The following GRIP1 variants were observed in gnomAD, a reference collection of about 807,000 sequenced individuals.
The protein encoded by GRIP1 is glutamate receptor-interacting protein 1.
GRIP1 carries 45 observed loss-of-function variants against 129.9 expected under a neutral mutation model. The observed-to-expected ratio is 0.35, with a 90% CI of 0.27 to 0.44. GRIP1 has a LOEUF of 0.44. GRIP1 is among the 20% of genes least tolerant of loss of function. The probability of loss-of-function intolerance (pLI) is 1.00; values close to 1 mark genes in which losing one functional copy is unlikely to be tolerated. For missense variants in GRIP1, 1,196 were observed against 1,396.8 expected (o/e 0.86, Z 2.29); for synonymous variants, 530 against 520.8 (o/e 1.02, Z -0.24).
rs188880970 is a variant in GRIP1, at chr12:66,488,195, A to G, written c.725-22773T>C. On this transcript the variant is annotated intron_variant, in intron 7 of 24. Transcript: ENST00000359742. Reference sequence around the variant, plus strand: ...ATATACATTCTTCTCATTGCCACACAATACTTACTCTAAAATTGATTACAT... The same window carrying G: ...ATATACATTCTTCTCATTGCCACACGATACTTACTCTAAAATTGATTACAT... Among the ~76,000 whole-genome samples the G allele has an allele frequency of 4.2e-3, 634 of 152,278 alleles. 13 individuals are homozygous for G. The highest frequency in any genetic ancestry group is 1.4e-3 in the Non-Finnish European group (97 of 68,014).
At chr12:66,434,896 A>G (rs949610514) in intron 13 of GRIP1, among the ~76,000 whole-genome samples, 4 of 152,250 alleles carry the variant, frequency 2.6e-5, no homozygotes, top group Non-Finnish European at 5.9e-5. Context: ...TGGCCTTGAC[A>G]GCCATTGAAG....
intron 1 of GRIP1, among the ~76,000 whole-genome samples, chr12:66,983,646 T>C (rs1017876932): frequency 6.6e-6 from 1 of 152,214 alleles, no homozygotes; most frequent in African/African-American, 2.4e-5. Context: ...CCCTGTGTTT[T>C]ATACATATTT....
Position 66,392,790 on chromosome 12 carries a change from C to CG in GRIP1, c.2155dup (p.Arg719ProfsTer7). On this transcript the variant is annotated frameshift_variant, in exon 18 of 25. Transcript: ENST00000359742. LOFTEE classifies it high-confidence loss of function. ...GCTGCTGCTATTGATGGCTAGGATTCGGTCTCCTATGTGGATTGCGCCAGT... is the reference window on the plus strand; with the variant it reads ...GCTGCTGCTATTGATGGCTAGGATTCGGGTCTCCTATGTGGATTGCGCCAGT... 6.2e-7 allele frequency: 1 copy of CG among 1,614,078 alleles called. No homozygotes were observed. Among genetic ancestry groups the CG allele is most frequent in the African/African-American group, 1.3e-5 (1 of 75,040 alleles).
At chr12:66,992,392 TA>T (rs755925135) in intron 1 of GRIP1, among the ~76,000 whole-genome samples, 29 of 141,700 alleles carry the variant, frequency 2.0e-4, no homozygotes, top group Non-Finnish European at 2.8e-4. Context: ...AATTTTTTTT[TA>T]AATACAATTC....
chr12:66,730,829 G>T (rs939554251), intron 1 of GRIP1, among the ~76,000 whole-genome samples: 25 of 151,448 alleles, frequency 1.7e-4, no homozygotes, highest in African/African-American at 5.8e-4. Context: ...AAAAAAAAAT[G>T]TATATTACCT....
intron 1 of GRIP1, among the ~76,000 whole-genome samples, chr12:66,862,135 C>T (rs760413353): frequency 1.3e-5 from 2 of 152,032 alleles, no homozygotes; most frequent in African/African-American, 4.8e-5. Flanking sequence ...TAACTAGGTC[C>T]TGTTAAGCAA....
chr12:66,370,397 T>C (rs1447162852), intron 23 of GRIP1, among the ~76,000 whole-genome samples: 1 of 152,206 alleles, frequency 6.6e-6, no homozygotes, highest in East Asian at 1.9e-4. Flanking sequence ...GAACCCAGGA[T>C]TGGAACACAA....
At chr12:67,019,517 A>G (rs185308097) in intron 1 of GRIP1, among the ~76,000 whole-genome samples, 10 of 152,360 alleles carry the variant, frequency 6.6e-5, no homozygotes, top group Non-Finnish European at 1.3e-4. Context: ...AAATAAGAGT[A>G]GTAAAAAAGG....
At chr12:66,858,927 A>G (rs2040052913) in intron 1 of GRIP1, among the ~76,000 whole-genome samples, 1 of 151,922 alleles carries the variant, frequency 6.6e-6, no homozygotes, top group South Asian at 2.1e-4. Context: ...ATTTTGATGT[A>G]TCAGAGCTCT....
At chr12:66,747,891 C>T (rs1459304255) in intron 1 of GRIP1, among the ~76,000 whole-genome samples, 4 of 151,986 alleles carry the variant, frequency 2.6e-5, no homozygotes, top group Non-Finnish European at 4.4e-5. Flanking sequence ...CTATAATTCA[C>T]GTAATACGGA....
At chr12:66,976,121 T>C (rs966166427) in intron 1 of GRIP1, among the ~76,000 whole-genome samples, 3 of 152,166 alleles carry the variant, frequency 2.0e-5, no homozygotes, top group Non-Finnish European at 2.9e-5. Context: ...TCACAGAGTA[T>C]GTAGATTTTA....
intron 11 of GRIP1, among the ~76,000 whole-genome samples, chr12:66,446,598 A>T (rs1320316662): frequency 6.6e-6 from 1 of 152,110 alleles, no homozygotes; most frequent in East Asian, 1.9e-4. Context: ...GCTCTGTCTC[A>T]TTTTCAAGCC....
At chr12:67,069,323 CGGCG>C, upstream of GRIP1, among the ~76,000 whole-genome samples, 1 of 139,864 alleles carries the variant, frequency 7.1e-6, no homozygotes, top group Non-Finnish European at 1.6e-5. Flanking sequence ...GCGGCGGCGG[CGGCG>C]GCGGCCGGGC....
At chr12:66,846,084 C>T (rs1293702692) in intron 1 of GRIP1, among the ~76,000 whole-genome samples, 1 of 152,200 alleles carries the variant, frequency 6.6e-6, no homozygotes, top group Non-Finnish European at 1.5e-5. Flanking sequence ...ACATCTCCCT[C>T]CCTGCAAGAA....
chr12:66,377,414 G>C, intron 20 of GRIP1, 129 bp from the exon 21 acceptor site: 1 of 701,314 alleles, frequency 1.4e-6, no homozygotes, highest in Admixed American at 2.0e-5. Context: ...TGCAAGCTCC[G>C]CCTCCCGGGT....
intron 19 of GRIP1, among the ~76,000 whole-genome samples, chr12:66,391,886 AAATAG>A (rs2056603351): frequency 6.6e-6 from 1 of 152,152 alleles, no homozygotes; most frequent in Non-Finnish European, 1.5e-5. Context: ...GTGCAGGAAT[AAATAG>A]AGTCACAAAT....
At chr12:66,573,276 C>G (rs2063027157) in intron 2 of GRIP1, among the ~76,000 whole-genome samples, 1 of 152,042 alleles carries the variant, frequency 6.6e-6, no homozygotes, top group South Asian at 2.1e-4. Flanking sequence ...TAGATCCTCT[C>G]TGAGTCAAGA....
intron 1 of GRIP1, among the ~76,000 whole-genome samples, chr12:66,951,780 G>C (rs905551535): frequency 6.6e-6 from 1 of 152,170 alleles, no homozygotes; most frequent in African/African-American, 2.4e-5. Context: ...AGCCATCAGG[G>C]AGTAACATAA....
At chr12:66,689,275 C>T (rs1055272667) in intron 1 of GRIP1, among the ~76,000 whole-genome samples, 4 of 152,174 alleles carry the variant, frequency 2.6e-5, no homozygotes, top group East Asian at 1.9e-4. Flanking sequence ...TAACAGAGGC[C>T]GAGTTGTCAA....
Sources: gnomAD v4.1 joint callset for allele counts (sites outside exome capture counted in the v4.1 genomes callset) on GRCh38, gnomAD v4.1.1 for gene constraint, MANE v1.5 for transcripts, NCBI Gene and HGNC (gene_info 2026-07-23, HGNC 2026-07-21) for gene names.